MEMO1: variants seen among roughly 807,000 people sequenced by gnomAD.
MEMO1 encodes protein MEMO1.
Under a neutral mutation model 45.2 loss-of-function variants are expected in MEMO1, and 6 were observed. The ratio of observed to expected loss-of-function variants is 0.13; its 90% CI spans 0.07 to 0.26. MEMO1 has a LOEUF of 0.26. Ranked by LOEUF, MEMO1 falls within the 10% of genes least tolerant of loss-of-function variation. The pLI is 1.00. For missense variants in MEMO1, 184 were observed against 370.5 expected (o/e 0.50, Z 4.13); for synonymous variants, 78 against 124.3 (o/e 0.63, Z 2.48).
chr2:31,989,464 T>C (rs1191556454), intron 2 of MEMO1, among the ~76,000 whole-genome samples: 1 of 152,200 alleles, frequency 6.6e-6, no homozygotes, highest in Non-Finnish European at 1.5e-5. Flanking sequence ...ATTTAGAAGA[T>C]CTGCGTAACT....
chr2:31,974,726 T>C (rs944773285), intron 2 of MEMO1, among the ~76,000 whole-genome samples: 3 of 150,960 alleles, frequency 2.0e-5, no homozygotes, highest in African/African-American at 4.9e-5. Context: ...GATTGCGCCA[T>C]TGCACTTCAG....
At chr2:31,964,728 T>A (rs1450998239) in intron 2 of MEMO1, among the ~76,000 whole-genome samples, 3 of 151,352 alleles carry the variant, frequency 2.0e-5, no homozygotes, top group Non-Finnish European at 3.0e-5. Context: ...AAATAAATAA[T>A]AAAAATTAAA....
chr2:31,993,823 C>T (rs1003706961), intron 2 of MEMO1, among the ~76,000 whole-genome samples: 1 of 151,982 alleles, frequency 6.6e-6, no homozygotes, highest in Non-Finnish European at 1.5e-5. Flanking sequence ...GATAGAACTC[C>T]ACCAAGGCCA....
rs943124092 is a variant in MEMO1, at chr2:31,926,389, A to C, written c.213-5479T>G. Among the ~76,000 whole-genome samples the C allele has an allele frequency of 6.6e-5, 10 of 152,120 alleles. No homozygotes were observed. In the East Asian group the frequency reaches 7.7e-4, roughly 12 times the overall value. On this transcript the variant is annotated intron_variant, in intron 4 of 9. Coordinates refer to ENST00000404530, the MANE Select transcript of MEMO1 (RefSeq NM_001301833.4). ...TGTCTCAAAAGGGAAAAAAAAAAAAAAAAACAGAATCTAGCACTTTAAAGA... is the reference window on the plus strand; with the variant it reads ...TGTCTCAAAAGGGAAAAAAAAAAAACAAAACAGAATCTAGCACTTTAAAGA...
intron 2 of MEMO1, among the ~76,000 whole-genome samples, chr2:32,004,014 T>C (rs1673736152): frequency 6.6e-6 from 1 of 151,670 alleles, no homozygotes; most frequent in Non-Finnish European, 1.5e-5. Context: ...TGAGACACCA[T>C]CTCTACAAAA....
intron 4 of MEMO1, among the ~76,000 whole-genome samples, chr2:31,930,471 C>T (rs750070459): frequency 9.2e-5 from 14 of 152,008 alleles, no homozygotes; most frequent in Non-Finnish European, 1.9e-4. Context: ...CTATCTATAC[C>T]CCTCTACAAA....
At chr2:31,904,629 G>A (rs745875701) in intron 6 of MEMO1, among the ~76,000 whole-genome samples, 22 of 152,166 alleles carry the variant, frequency 1.4e-4, no homozygotes, top group Admixed American at 2.6e-4. Flanking sequence ...ACAGGAGGCG[G>A]AACTCAGGTG....
intron 2 of MEMO1, among the ~76,000 whole-genome samples, chr2:31,998,757 G>A (rs1253881212): frequency 6.6e-6 from 1 of 151,094 alleles, no homozygotes; most frequent in Admixed American, 6.6e-5. Flanking sequence ...TAGAGATCAT[G>A]CCATTGCACT....
chr2:31,969,488 CA>C (rs1290668903), intron 2 of MEMO1, among the ~76,000 whole-genome samples: 1 of 150,574 alleles, frequency 6.6e-6, no homozygotes, highest in Admixed American at 6.6e-5. Context: ...TTTTTATAGA[CA>C]GAAAAAAGTT....
chr2:31,996,318 C>T (rs989334411), intron 2 of MEMO1, among the ~76,000 whole-genome samples: 2 of 151,954 alleles, frequency 1.3e-5, no homozygotes, highest in East Asian at 1.9e-4. Context: ...GAGGCCAAGG[C>T]GGGCGGATCA....
chr2:31,923,500 A>C (rs1682638291), intron 4 of MEMO1: 1 of 942,236 alleles, frequency 1.1e-6, no homozygotes. Flanking sequence ...AAACTAAAAG[A>C]TAGCACTCTG....
chr2:31,896,911 T>A (rs972791785), intron 6 of MEMO1, among the ~76,000 whole-genome samples: 2 of 151,856 alleles, frequency 1.3e-5, no homozygotes, highest in Non-Finnish European at 2.9e-5. Flanking sequence ...TGCTCAACAG[T>A]TTGTAGTTCT....
At chr2:31,933,344 A>AT (rs1664462781) in intron 3 of MEMO1, among the ~76,000 whole-genome samples, 2 of 35,420 alleles carry the variant, frequency 5.6e-5, no homozygotes, top group African/African-American at 2.3e-4. Flanking sequence ...AAAAAAAAAA[A>AT]AAAAATTTAT....
chr2:31,945,856 A>T, intron 2 of MEMO1, among the ~76,000 whole-genome samples: 2 of 152,220 alleles, frequency 1.3e-5, no homozygotes, highest in African/African-American at 4.8e-5. Flanking sequence ...AAGTGAATTT[A>T]GGACAAACTA....
chr2:31,878,660 G>A (rs1159035527), intron 8 of MEMO1, among the ~76,000 whole-genome samples: 1 of 151,904 alleles, frequency 6.6e-6, no homozygotes, highest in Non-Finnish European at 1.5e-5. Flanking sequence ...TATTTTTGGT[G>A]CAAAAAGCAT....
Position 31,986,354 on chromosome 2 carries a change from C to A in MEMO1, c.61+23833G>T, listed in dbSNP as rs138882593. On this transcript the variant is annotated intron_variant, in intron 2 of 9. Transcript: ENST00000404530. ...AGGCGTGGTGGCGGGGGCTTGTAGT[C>A]CCAGCCAGTCGGGAGGCTGAGACAG... is the stretch of plus-strand genomic sequence containing the variant. Among the ~76,000 whole-genome samples the A allele has an allele frequency of 9.7e-3, 1,471 of 152,148 alleles. 26 individuals are homozygous for A. Among genetic ancestry groups the A allele is most frequent in the South Asian group, 0.048 (231 of 4,812 alleles).
At chr2:32,009,331 T>C (rs1674504264) in intron 2 of MEMO1, among the ~76,000 whole-genome samples, 1 of 152,074 alleles carries the variant, frequency 6.6e-6, no homozygotes, top group Non-Finnish European at 1.5e-5. Context: ...TGAATGACAG[T>C]AACAATGCAA....
intron 2 of MEMO1, among the ~76,000 whole-genome samples, chr2:31,948,777 T>C (rs1035201891): frequency 2.0e-5 from 3 of 152,348 alleles, no homozygotes; most frequent in East Asian, 1.9e-4. Context: ...TGCACACCTG[T>C]AGTCCCAGCT....
chr2:31,886,484 G>A (rs1013097886), intron 7 of MEMO1, among the ~76,000 whole-genome samples: 1 of 151,762 alleles, frequency 6.6e-6, no homozygotes, highest in Admixed American at 6.6e-5. Context: ...CCACTTTTTG[G>A]TTTTTATTAT....
Sources: allele counts gnomAD v4.1 joint callset (sites outside exome capture counted in the v4.1 genomes callset), GRCh38; gene constraint gnomAD v4.1.1; transcripts MANE v1.5; gene names NCBI Gene and HGNC (gene_info 2026-07-23, HGNC 2026-07-21).